VPS13D: variants seen among roughly 807,000 people sequenced by gnomAD.
VPS13D encodes vacuolar protein sorting 13 homolog D, also known as intermembrane lipid transfer protein VPS13D.
A neutral mutation model predicts 461.9 loss-of-function variants in VPS13D; 187 were observed. The observed-to-expected ratio is 0.40, with a 90% CI of 0.36 to 0.46. The LOEUF is 0.46. VPS13D is among the 20% of genes least tolerant of loss of function. The probability of loss-of-function intolerance (pLI) is 0.60; values close to 1 mark genes in which losing one functional copy is unlikely to be tolerated. For synonymous variants in VPS13D, 1,951 were observed against 1,986.3 expected (o/e 0.98, Z 0.47); for missense variants, 4,711 against 5,364.9 (o/e 0.88, Z 3.81).
At position 12,460,300 on chromosome 1, in the gene VPS13D, T is replaced by C; in HGVS notation, c.12566T>C (p.Leu4189Pro). The change falls in exon 67 of 70, where the codon CTT (leucine) becomes CCT (proline). Residue 4189 changes from leucine (L) to proline (P), a missense_variant. Physicochemically the swap from Leu to Pro is moderately conservative, Grantham distance 98 (BLOSUM62 -3). This residue lies in a region of VPS13D where 106 missense variants were observed against 206.2 expected (regional missense o/e 0.51). Transcript: ENST00000620676. ...SGFISGLGKG[L>P]VGTVTKPVAG... ...TTCATATCTGGCCTTGGAAAAGGGC[T>C]TGTTGGCACTGTAACCAAGCCAGTG... is the stretch of plus-strand genomic sequence containing the variant. 3.1e-6 allele frequency: 5 copies of C among 1,612,650 alleles called. No individual in the cohort carries two copies. Among genetic ancestry groups the C allele is most frequent in the Non-Finnish European group, 4.2e-6 (5 of 1,179,334 alleles).
chr1:12,392,545 TAAAAA>T (rs139602760), intron 60 of VPS13D, among the ~76,000 whole-genome samples: 1 of 129,302 alleles, frequency 7.7e-6, no homozygotes, highest in Non-Finnish European at 1.7e-5. Flanking sequence ...GTATAAATGT[TAAAAA>T]AAAAAAAAAA....
At chr1:12,503,653 C>G (rs1646064155) in intron 68 of VPS13D, among the ~76,000 whole-genome samples, 1 of 152,228 alleles carries the variant, frequency 6.6e-6, no homozygotes, top group Non-Finnish European at 1.5e-5. Context: ...CTGTGTGTTT[C>G]TGGCTGCATT....
Position 12,507,271 on chromosome 1 carries a change from G to A in VPS13D, c.13035+178G>A. 2 of 1,148,592 alleles carry A rather than the reference G, an allele frequency of 1.7e-6. No individual in the cohort carries two copies. Among genetic ancestry groups the A allele is most frequent in the East Asian group, 4.7e-5 (2 of 42,672 alleles). 71.2% of individuals were successfully genotyped at this position (1,148,592 alleles called of 1,614,324 possible). On this transcript the variant is annotated intron_variant, in intron 69 of 69. Coordinates refer to ENST00000620676, the MANE Select transcript of VPS13D (RefSeq NM_015378.4). This position sits in a 1 kb window ranked among gnomAD's most constrained non-coding sequence, Gnocchi z 5.3. The stretch of plus-strand genomic sequence containing the variant: ...GCCCAGGGTATGTTCACGGGGCGAT[G>A]CTGCCCTCCCAGCTGGCCCATGGGT...
At chr1:12,249,947 C>T (rs545504233) in intron 6 of VPS13D, among the ~76,000 whole-genome samples, 164 of 152,234 alleles carry the variant, frequency 1.1e-3, no homozygotes, top group Non-Finnish European at 1.7e-3. Context: ...CCCATAGGAC[C>T]GCCTCCCACT....
chr1:12,429,135 T>A (rs1644962016), intron 65 of VPS13D, among the ~76,000 whole-genome samples: 1 of 151,408 alleles, frequency 6.6e-6, no homozygotes, highest in African/African-American at 2.4e-5. Context: ...CAGTCTCCCC[T>A]CTAGCCATAA....
At chr1:12,396,029 A>ATATATATATATATATATATAT (rs1553187933) in intron 60 of VPS13D, among the ~76,000 whole-genome samples, 7 of 119,860 alleles carry the variant, frequency 5.8e-5, no homozygotes, top group African/African-American at 1.9e-4. Context: ...ATATATATAT[A>ATATATATATATATATATATAT]GTTCTTTAAG....
rs779332184 is a variant in VPS13D at position 12,354,229 on chromosome 1, T to A, written c.9679+8T>A. ...CCCAGAACATTGAGCTGGGTAAGAA[T>A]GTAGTCAGATGATCATTTGTCATAA... On this transcript the variant is annotated splice_region_variant and intron_variant, in intron 47 of 69. Coordinates refer to ENST00000620676, the MANE Select transcript of VPS13D (RefSeq NM_015378.4). 3 of 1,612,600 alleles carry A rather than the reference T, an allele frequency of 1.9e-6. No individual in the cohort carries two copies. The African/African-American group carries it at 4.0e-5, about 22-fold the overall frequency.
intron 60 of VPS13D, among the ~76,000 whole-genome samples, chr1:12,389,353 T>C (rs1255639536): frequency 2.6e-5 from 4 of 152,158 alleles, no homozygotes; most frequent in African/African-American, 9.7e-5. Context: ...GTATTAACCA[T>C]CACAAGTCCA....
chr1:12,255,857 C>T lies in VPS13D; in HGVS notation c.670-476C>T, dbSNP rs559485811. Among the ~76,000 whole-genome samples, 313 of 145,952 alleles carry T rather than the reference C, an allele frequency of 2.1e-3. 1 individual carries two copies. Among genetic ancestry groups the T allele is most frequent in the South Asian group, 6.6e-3 (31 of 4,662 alleles). ...AGTGAGCCGAGATTGCATCACTGCA[C>T]TCCAGCCTGGCAACAGAGCAAGACT... On this transcript the variant is annotated intron_variant, in intron 7 of 69. Coordinates refer to ENST00000620676, the MANE Select transcript of VPS13D (RefSeq NM_015378.4).
rs956356192 is a variant in VPS13D, at chr1:12,410,648, AT to A, written c.12031-4432del. Among the ~76,000 whole-genome samples, 291 of 152,284 alleles carry A rather than the reference AT, an allele frequency of 1.9e-3. 1 individual carries two copies. Among genetic ancestry groups the A allele is most frequent in the African/African-American group, 6.5e-3 (271 of 41,574 alleles). ...CTAAGAAGTTTACCAGAAAACTATAATTTTTTTAAAAAAATTATCAAATAAT... is the reference window on the plus strand; with the variant it reads ...CTAAGAAGTTTACCAGAAAACTATAATTTTTTAAAAAAATTATCAAATAAT... On this transcript the variant is annotated intron_variant, in intron 63 of 69. Coordinates refer to ENST00000620676, the MANE Select transcript of VPS13D (RefSeq NM_015378.4).
chr1:12,470,368 C>G (rs1645546652), intron 67 of VPS13D, among the ~76,000 whole-genome samples: 1 of 152,244 alleles, frequency 6.6e-6, no homozygotes, highest in Non-Finnish European at 1.5e-5. Flanking sequence ...TAACTGGCAC[C>G]TGCCCACCTC....
chr1:12,492,433 T>C (rs1645895313), intron 67 of VPS13D, among the ~76,000 whole-genome samples: 1 of 152,232 alleles, frequency 6.6e-6, no homozygotes, highest in African/African-American at 2.4e-5. Flanking sequence ...TTAGTTACAC[T>C]GGCCACATTT....
intron 63 of VPS13D, among the ~76,000 whole-genome samples, chr1:12,405,361 A>G: frequency 6.6e-6 from 1 of 152,230 alleles, no homozygotes; most frequent in Non-Finnish European, 1.5e-5. Flanking sequence ...AACAAAACAC[A>G]TGTGTGGGCC....
chr1:12,350,635 A>C (rs916657543), intron 46 of VPS13D, among the ~76,000 whole-genome samples: 3 of 152,192 alleles, frequency 2.0e-5, no homozygotes, highest in Admixed American at 1.3e-4. Context: ...AAGAATATAT[A>C]AAATTGCTGA....
intron 18 of VPS13D, among the ~76,000 whole-genome samples, chr1:12,275,123 G>T (rs1641569967): frequency 6.6e-6 from 1 of 152,194 alleles, no homozygotes; most frequent in Admixed American, 6.5e-5. Flanking sequence ...GGAGGCTGAG[G>T]CAGGAGAATC....
chr1:12,389,178 T>G (rs1397763179), intron 60 of VPS13D, among the ~76,000 whole-genome samples: 1 of 152,214 alleles, frequency 6.6e-6, no homozygotes, highest in Non-Finnish European at 1.5e-5. Context: ...TGTTTCTGCC[T>G]GCTTTATATT....
intron 46 of VPS13D, among the ~76,000 whole-genome samples, chr1:12,353,393 C>T (rs530425327): frequency 3.3e-5 from 5 of 151,864 alleles, no homozygotes; most frequent in South Asian, 4.2e-4. Flanking sequence ...ATTAGCTGGA[C>T]GTGGTGGTGG....
At chr1:12,396,029 A>ATATATATATATATAT (rs1553187933) in intron 60 of VPS13D, among the ~76,000 whole-genome samples, 2 of 119,820 alleles carry the variant, frequency 1.7e-5, no homozygotes, top group African/African-American at 7.6e-5. Context: ...ATATATATAT[A>ATATATATATATATAT]GTTCTTTAAG....
chr1:12,285,752 T>A (rs1057209164), intron 21 of VPS13D, among the ~76,000 whole-genome samples: 2 of 152,190 alleles, frequency 1.3e-5, no homozygotes, highest in Admixed American at 1.3e-4. Flanking sequence ...GATTCTCTGA[T>A]TGTCTCAAAA....
Sources: gnomAD v4.1 joint callset for allele counts (sites outside exome capture counted in the v4.1 genomes callset) on GRCh38, gnomAD v4.1.1 for gene constraint, gnomAD v4.1.1 regional missense constraint, Gnocchi (gnomAD v3.1) non-coding constraint, MANE v1.5 for transcripts, NCBI Gene and HGNC (gene_info 2026-07-23, HGNC 2026-07-21) for gene names.